EPHA4: variants seen among roughly 807,000 people sequenced by gnomAD.
EPHA4 encodes the protein EPH receptor A4, also known as ephrin type-A receptor 4.
EPHA4 carries 19 observed loss-of-function variants against 108.3 expected under a neutral mutation model. The ratio of observed to expected loss-of-function variants is 0.18; its 90% confidence interval spans 0.12 to 0.26. EPHA4 has a LOEUF of 0.26. EPHA4 is among the 10% of genes least tolerant of loss of function. EPHA4 has a pLI of 1.00. For missense variants in EPHA4, 917 were observed against 1,254.0 expected, an observed-to-expected ratio of 0.73 and a Z score of 4.06; for synonymous variants, 449 against 455.5, an observed-to-expected ratio of 0.99 and a Z score of 0.18.
rs193243748 is a variant in EPHA4 at position 221,549,703 on chromosome 2, C to T, written c.823+14028G>A. Among the ~76,000 whole-genome samples the T allele has an allele frequency of 7.9e-5, 12 of 152,218 alleles. 1 individual carries two copies. Among genetic ancestry groups the T allele is most frequent in the South Asian group, 4.1e-4 (2 of 4,836 alleles). ...GATCTACACAAAGCCCAAAGCCGGG[C>T]GCAGTGGCTCACATGGCTCACGCCT... On this transcript the variant is annotated intron_variant, in intron 3 of 17. Transcript: ENST00000281821.
chr2:221,467,335 T>C (rs933804662), intron 5 of EPHA4, among the ~76,000 whole-genome samples: 2 of 152,150 alleles, frequency 1.3e-5, no homozygotes, highest in African/African-American at 4.8e-5. Context: ...CATACGTGTA[T>C]ATTTCACAAT....
chr2:221,452,651 TAA>T lies in EPHA4; in HGVS notation c.1715+2894_1715+2895del, dbSNP rs1690823630. On this transcript the variant is annotated intron_variant, in intron 8 of 17. Coordinates refer to ENST00000281821, the MANE Select transcript of EPHA4 (RefSeq NM_004438.5). The stretch of plus-strand genomic sequence containing the variant: ...GGCAAGGGGTTGACATTTCATTTTC[TAA>T]AAAGTGATCCATTGAGGACCAATCA... 5.9e-5 allele frequency among the ~76,000 whole-genome samples: 9 copies of T among 152,264 alleles called. No homozygotes were observed. The South Asian group carries it at 1.9e-3, about 32-fold the overall frequency.
At chr2:221,555,550 C>T (rs1306067527) in intron 3 of EPHA4, among the ~76,000 whole-genome samples, 1 of 152,182 alleles carries the variant, frequency 6.6e-6, no homozygotes, top group Non-Finnish European at 1.5e-5. Context: ...CCTGAATATT[C>T]ATAAAATGTT....
At chr2:221,546,555 G>T (rs1694006076) in intron 3 of EPHA4, among the ~76,000 whole-genome samples, 1 of 151,520 alleles carries the variant, frequency 6.6e-6, no homozygotes. Flanking sequence ...CATCTGTAAA[G>T]TGAGAAGCAT....
At chr2:221,432,524 T>A (rs2106094851) in intron 14 of EPHA4, among the ~76,000 whole-genome samples, 1 of 152,352 alleles carries the variant, frequency 6.6e-6, no homozygotes, top group African/African-American at 2.4e-5. Flanking sequence ...GCTATGAATC[T>A]TCTGTTATAA....
intron 11 of EPHA4, among the ~76,000 whole-genome samples, chr2:221,441,552 C>T (rs74763113): frequency 6.6e-6 from 1 of 152,032 alleles, no homozygotes; most frequent in Admixed American, 6.6e-5. Context: ...GGACACCAGA[C>T]AGGAACCCAG....
chr2:221,568,689 T>G (rs1694741016), intron 2 of EPHA4, 29 bp downstream of exon 2: 1 of 1,598,148 alleles, frequency 6.3e-7, no homozygotes, highest in African/African-American at 1.3e-5. Context: ...TTTTTTACCC[T>G]TTGGATCAGA....
At chr2:221,497,884 T>A (rs1181752950) in intron 4 of EPHA4, among the ~76,000 whole-genome samples, 1 of 152,230 alleles carries the variant, frequency 6.6e-6, no homozygotes, top group African/African-American at 2.4e-5. Flanking sequence ...CTTCACCTTG[T>A]GGAAAATGAC....
At chr2:221,540,969 G>T (rs1001921078) in intron 3 of EPHA4, among the ~76,000 whole-genome samples, 1 of 145,680 alleles carries the variant, frequency 6.9e-6, no homozygotes, top group Non-Finnish European at 1.5e-5. Context: ...ATGGCGGGGA[G>T]AGAGTCTTAC....
intron 5 of EPHA4, among the ~76,000 whole-genome samples, chr2:221,465,366 T>A (rs903313571): frequency 3.3e-5 from 5 of 152,186 alleles, no homozygotes; most frequent in Admixed American, 6.5e-5. Context: ...GCCAGAGAGA[T>A]GGGCAACGGA....
intron 3 of EPHA4, among the ~76,000 whole-genome samples, chr2:221,541,017 G>T (rs1282733880): frequency 6.2e-5 from 9 of 145,648 alleles, no homozygotes; most frequent in Non-Finnish European, 1.0e-4. Context: ...CACAATCATA[G>T]CTCACTGCCA....
intron 3 of EPHA4, chr2:221,501,453 G>A (rs551999623): frequency 5.0e-5 from 16 of 319,434 alleles, no homozygotes; most frequent in Admixed American, 1.9e-4. Context: ...TTTACCGAAC[G>A]CCTTTCTATG....
intron 3 of EPHA4, among the ~76,000 whole-genome samples, chr2:221,513,270 C>A (rs1183447782): frequency 1.3e-5 from 2 of 152,118 alleles, no homozygotes; most frequent in African/African-American, 4.8e-5. Context: ...TCAGCTCCTC[C>A]ATTTATTTAA....
rs535506357 is a variant in EPHA4 at position 221,443,940 on chromosome 2, C to T, written c.1775-334G>A. On this transcript the variant is annotated intron_variant, in intron 9 of 17. Transcript: ENST00000281821. Reference sequence around the variant, plus strand: ...GTTGCTCATAGCTCCCTTGCCTTTGCATGAAGTCCTACCCACTACTTTCAG... The same window carrying T: ...GTTGCTCATAGCTCCCTTGCCTTTGTATGAAGTCCTACCCACTACTTTCAG... Among the ~76,000 whole-genome samples the T allele has an allele frequency of 4.1e-4, 63 of 152,334 alleles. 2 individuals are homozygous for T. The South Asian group carries it at 0.013, about 32-fold the overall frequency.
intron 3 of EPHA4, among the ~76,000 whole-genome samples, chr2:221,529,676 T>A (rs989967994): frequency 5.3e-5 from 8 of 152,210 alleles, no homozygotes; most frequent in Non-Finnish European, 1.5e-5. Context: ...GAGACAACGC[T>A]GAAGGGCATA....
At chr2:221,546,769 A>G (rs897359547) in intron 3 of EPHA4, among the ~76,000 whole-genome samples, 1 of 152,250 alleles carries the variant, frequency 6.6e-6, no homozygotes, top group Non-Finnish European at 1.5e-5. Context: ...TTATAGTACT[A>G]TAAAGAAATC....
At chr2:221,552,433 C>T (rs369483967) in intron 3 of EPHA4, among the ~76,000 whole-genome samples, 1 of 152,146 alleles carries the variant, frequency 6.6e-6, no homozygotes, top group Non-Finnish European at 1.5e-5. Context: ...GTCAATGTTC[C>T]CCACTTGGGC....
intron 5 of EPHA4, among the ~76,000 whole-genome samples, chr2:221,468,014 A>C (rs1008065813): frequency 5.3e-5 from 8 of 152,210 alleles, no homozygotes; most frequent in African/African-American, 1.7e-4. Context: ...AACTAGCAAC[A>C]ACAACAAAAA....
At chr2:221,489,280 G>A (rs935461001) in intron 4 of EPHA4, among the ~76,000 whole-genome samples, 22 of 152,208 alleles carry the variant, frequency 1.4e-4, no homozygotes, top group African/African-American at 5.3e-4. Flanking sequence ...AATGGGTTCT[G>A]CCAAAGGGCT....
Sources: gnomAD v4.1 joint callset for allele counts (sites outside exome capture counted in the v4.1 genomes callset) on GRCh38, gnomAD v4.1.1 for gene constraint, MANE v1.5 for transcripts, NCBI Gene and HGNC (gene_info 2026-07-23, HGNC 2026-07-21) for gene names.